AUTS2: variants seen among roughly 807,000 people sequenced by gnomAD.
The protein encoded by AUTS2 is autism susceptibility gene 2 protein.
A neutral mutation model predicts 112.4 loss-of-function variants in AUTS2; 17 were observed. The observed-to-expected ratio is 0.15, with a 90% CI of 0.10 to 0.23. The LOEUF is 0.23. AUTS2 is among the 10% of genes least tolerant of loss of function. The probability of loss-of-function intolerance (pLI) is 1.00; values close to 1 mark genes in which losing one functional copy is unlikely to be tolerated. For missense variants in AUTS2, 1,510 were observed against 1,701.6 expected, an observed-to-expected ratio of 0.89 and a Z score of 1.98; for synonymous variants, 751 against 702.7, an observed-to-expected ratio of 1.07 and a Z score of -1.09.
chr7:70,767,908 G>A (rs768215467), intron 9 of AUTS2, 116 bp from the exon 10 acceptor site: 46 of 938,864 alleles, frequency 4.9e-5, no homozygotes, highest in Non-Finnish European at 6.9e-5. Flanking sequence ...TATGTAATGA[G>A]GTTATGGGGT....
chr7:69,998,137 T>G (rs1455776354), intron 2 of AUTS2, among the ~76,000 whole-genome samples: 1 of 152,186 alleles, frequency 6.6e-6, no homozygotes, highest in African/African-American at 2.4e-5. Flanking sequence ...GTACCGTTGT[T>G]GCAGAGGAGT....
At chr7:70,019,426 A>C (rs1459739440) in intron 2 of AUTS2, among the ~76,000 whole-genome samples, 1 of 152,236 alleles carries the variant, frequency 6.6e-6, no homozygotes, top group Admixed American at 6.5e-5. Flanking sequence ...CTAAATTAAA[A>C]AACAAAAACA....
chr7:69,625,644 A>G (rs1380270980), intron 1 of AUTS2, among the ~76,000 whole-genome samples: 3 of 152,160 alleles, frequency 2.0e-5, no homozygotes, highest in African/African-American at 7.2e-5. Context: ...GGATCCCTTG[A>G]GTCCAGGGGT....
intron 4 of AUTS2, among the ~76,000 whole-genome samples, chr7:70,331,713 A>C (rs1790759669): frequency 6.6e-6 from 1 of 152,224 alleles, no homozygotes; most frequent in Non-Finnish European, 1.5e-5. Flanking sequence ...AACAAATGAC[A>C]AAAACCACAT....
chr7:70,763,192 G>GCCT lies in AUTS2; in HGVS notation c.1067_1069dup (p.Pro356dup). 1 of 1,614,038 alleles carries GCCT rather than the reference G, an allele frequency of 6.2e-7. No homozygotes were observed. The highest frequency in any genetic ancestry group is 8.5e-7 in the Non-Finnish European group (1 of 1,179,984). On this transcript the variant is annotated inframe_insertion, in exon 7 of 19. Coordinates refer to ENST00000342771, the MANE Select transcript of AUTS2 (RefSeq NM_015570.4). ...AGGCCCAGCTCCAGCCTGCCCCGCAGCCTCAGGTGCAGAGGCCACCCAGGC... is the reference window on the plus strand; with the variant it reads ...AGGCCCAGCTCCAGCCTGCCCCGCAGCCTCCTCAGGTGCAGAGGCCACCCAGGC...
chr7:70,205,369 C>T (rs1810518619), intron 4 of AUTS2, among the ~76,000 whole-genome samples: 2 of 152,126 alleles, frequency 1.3e-5, no homozygotes, highest in South Asian at 4.1e-4. Flanking sequence ...CTCTGTTTGA[C>T]AACTTATGAA....
At chr7:70,430,242 G>C (rs1295091746) in intron 4 of AUTS2, among the ~76,000 whole-genome samples, 2 of 152,148 alleles carry the variant, frequency 1.3e-5, no homozygotes, top group Non-Finnish European at 2.9e-5. Flanking sequence ...CTATTACCAA[G>C]GGCAACGTGG....
chr7:70,136,926 A>G (rs1279299903), intron 4 of AUTS2, among the ~76,000 whole-genome samples: 1 of 152,226 alleles, frequency 6.6e-6, no homozygotes, highest in East Asian at 1.9e-4. Context: ...GTTTGTTAAT[A>G]AAATAGACAC....
At chr7:70,612,305 C>T (rs1044558602) in intron 5 of AUTS2, among the ~76,000 whole-genome samples, 1 of 152,186 alleles carries the variant, frequency 6.6e-6, no homozygotes, top group African/African-American at 2.4e-5. Flanking sequence ...TGGAAGTCAT[C>T]TCCAGGCTTC....
At chr7:70,495,628 A>G (rs1381766989) in intron 5 of AUTS2, among the ~76,000 whole-genome samples, 5 of 149,378 alleles carry the variant, frequency 3.3e-5, no homozygotes, top group Non-Finnish European at 5.9e-5. Flanking sequence ...TCGCACACAC[A>G]CACCCCACAC....
intron 5 of AUTS2, among the ~76,000 whole-genome samples, chr7:70,630,199 C>T (rs544156409): frequency 1.7e-4 from 26 of 152,248 alleles, no homozygotes; most frequent in African/African-American, 5.3e-4. Context: ...ACCTAGGCAG[C>T]GTTACACAGC....
chr7:69,600,159 G>T (rs1309043336), intron 1 of AUTS2, among the ~76,000 whole-genome samples, 197 bp downstream of exon 1: 2 of 152,076 alleles, frequency 1.3e-5, no homozygotes, highest in Non-Finnish European at 2.9e-5. Context: ...GAGTCGCAAA[G>T]CCGTGCCTGG....
chr7:70,084,851 G>A (rs1803511190), intron 2 of AUTS2, among the ~76,000 whole-genome samples: 2 of 152,026 alleles, frequency 1.3e-5, no homozygotes, highest in South Asian at 4.2e-4. Context: ...TACAAGATAA[G>A]AGGTTTCAAG....
At chr7:70,590,342 G>A (rs1291156490) in intron 5 of AUTS2, among the ~76,000 whole-genome samples, 1 of 152,078 alleles carries the variant, frequency 6.6e-6, no homozygotes, top group Non-Finnish European at 1.5e-5. Flanking sequence ...CCAAGTTCAC[G>A]GGCTGGTGAC....
intron 2 of AUTS2, among the ~76,000 whole-genome samples, chr7:70,091,554 G>A (rs1803920744): frequency 6.6e-6 from 1 of 152,124 alleles, no homozygotes; most frequent in Non-Finnish European, 1.5e-5. Flanking sequence ...ACTTGGAAAA[G>A]AACATTGTCT....
chr7:69,996,087 A>T (rs1188933551), intron 2 of AUTS2, among the ~76,000 whole-genome samples: 1 of 152,110 alleles, frequency 6.6e-6, no homozygotes, highest in African/African-American at 2.4e-5. Flanking sequence ...CTCCGTAAGG[A>T]GCTTCTAAGC....
intron 5 of AUTS2, among the ~76,000 whole-genome samples, chr7:70,443,293 G>A (rs1796194798): frequency 1.3e-5 from 2 of 152,200 alleles, no homozygotes; most frequent in South Asian, 4.1e-4. Flanking sequence ...GGGTGGTGGA[G>A]AAGGGCACTC....
intron 6 of AUTS2, among the ~76,000 whole-genome samples, chr7:70,741,100 TA>T (rs954505015): frequency 1.2e-4 from 17 of 145,470 alleles, no homozygotes; most frequent in African/African-American, 4.3e-4. Flanking sequence ...TCTCAAAAAT[TA>T]AAAAAAATAA....
intron 5 of AUTS2, among the ~76,000 whole-genome samples, chr7:70,553,670 C>T (rs1585293538): frequency 6.9e-6 from 1 of 145,204 alleles, no homozygotes; most frequent in South Asian, 2.2e-4. Flanking sequence ...TGGGACAGGG[C>T]AAGTAATGCT....
Sources: allele counts gnomAD v4.1 joint callset (sites outside exome capture counted in the v4.1 genomes callset), GRCh38; gene constraint gnomAD v4.1.1; transcripts MANE v1.5; gene names NCBI Gene and HGNC (gene_info 2026-07-23, HGNC 2026-07-21).